PCDHGA6: variants seen among roughly 807,000 people sequenced by gnomAD.
PCDHGA6 encodes protocadherin gamma subfamily A, 6.
A neutral mutation model predicts 60.6 loss-of-function variants in PCDHGA6; 41 were observed. The observed-to-expected ratio is 0.68, with a 90% CI of 0.53 to 0.88. PCDHGA6 has a LOEUF of 0.88. PCDHGA6 is among the 40% of genes least tolerant of loss of function. The pLI is 0.00. For synonymous variants in PCDHGA6, 594 were observed against 524.4 expected (o/e 1.13, Z -1.81); for missense variants, 1,312 against 1,203.0 (o/e 1.09, Z -1.34).
chr5:141,474,961 A>G (rs1395755491), intron 1 of PCDHGA6, among the ~76,000 whole-genome samples: 1 of 152,254 alleles, frequency 6.6e-6, no homozygotes, highest in South Asian at 2.1e-4. Flanking sequence ...TCACTATCCT[A>G]ATCATTATAA....
At chr5:141,506,669 A>C (rs1293213848) in intron 3 of PCDHGA6, among the ~76,000 whole-genome samples, 1 of 152,198 alleles carries the variant, frequency 6.6e-6, no homozygotes, top group African/African-American at 2.4e-5. Flanking sequence ...GTAAGGGCAC[A>C]ATATATTATT....
intron 1 of PCDHGA6, among the ~76,000 whole-genome samples, chr5:141,492,394 G>C (rs2099740158): frequency 6.6e-6 from 1 of 152,220 alleles, no homozygotes; most frequent in African/African-American, 2.4e-5. Context: ...CGGTCCACTC[G>C]CAGCTCCCCT....
rs772264177 is a variant in PCDHGA6 at position 141,376,458 on chromosome 5, T to C, written c.2375T>C (p.Leu792Pro). The change falls in exon 1 of 4, where the codon CTG becomes CCG. Residue 792 changes from leucine to proline, a missense_variant. Leu to Pro is a moderately conservative substitution (Grantham distance 98). Coordinates refer to ENST00000517434, the MANE Select transcript of PCDHGA6 (RefSeq NM_018919.3). ...QESYEKSEPL[L>P]ITQDLLETKG... Reference sequence around the variant, plus strand: ...AGCTATGAGAAAAGCGAGCCTCTTCTGATAACTCAGGATTTACTTGAAACG... The same window carrying C: ...AGCTATGAGAAAAGCGAGCCTCTTCCGATAACTCAGGATTTACTTGAAACG... 14 of 1,614,106 alleles carry C rather than the reference T, an allele frequency of 8.7e-6. No individual in the cohort carries two copies. In the African/African-American group the frequency reaches 1.5e-4, roughly 17 times the overall value.
intron 1 of PCDHGA6, chr5:141,416,744 A>G (rs1480936949): frequency 2.0e-5 from 3 of 152,210 alleles, no homozygotes; most frequent in Non-Finnish European, 4.4e-5. Context: ...GAAAATAGTG[A>G]CGTATTAGGT....
At chr5:141,483,972 A>G in intron 1 of PCDHGA6, among the ~76,000 whole-genome samples, 1 of 83,960 alleles carries the variant, frequency 1.2e-5, no homozygotes, top group Admixed American at 1.8e-4. Context: ...TGCTTGTGCA[A>G]GGGAGTAGCT....
At chr5:141,389,445 G>A (rs749321526) in intron 1 of PCDHGA6, 7 of 1,610,526 alleles carry the variant, frequency 4.3e-6, no homozygotes, top group Non-Finnish European at 5.1e-6. Context: ...CTTCGACCAC[G>A]AGCAGCTGCG....
chr5:141,488,540 A>C (rs901890616), intron 1 of PCDHGA6, among the ~76,000 whole-genome samples: 6 of 152,146 alleles, frequency 3.9e-5, no homozygotes, highest in Admixed American at 2.0e-4. Context: ...GCTAAGTCCC[A>C]TGTCAGCTGA....
Position 141,487,494 on chromosome 5 carries a change from C to A in PCDHGA6, c.2425-7313C>A, listed in dbSNP as rs116370895. On this transcript the variant is annotated intron_variant, in intron 1 of 3. Transcript: ENST00000517434. The surrounding 1 kb of genome is among the most constrained non-coding windows in gnomAD (Gnocchi z 5.0). The stretch of plus-strand genomic sequence containing the variant: ...GGAGGCCACTCTCATGGCTGTACAC[C>A]CTTGGCTTCTGCACCCACTCGGAGT... 1,421 of 1,614,120 alleles carry A rather than the reference C, an allele frequency of 8.8e-4. 3 individuals are homozygous for A. Among genetic ancestry groups the A allele is most frequent in the Non-Finnish European group, 1.2e-3 (1,358 of 1,180,034 alleles).
In PCDHGA6 at chr5:141,398,847, G is replaced by A. The variant is rs773663002; in HGVS notation, c.2424+22340G>A. On this transcript the variant is annotated intron_variant, in intron 1 of 3. Coordinates refer to ENST00000517434, the MANE Select transcript of PCDHGA6 (RefSeq NM_018919.3). Reference sequence around the variant, plus strand: ...TAACCGACGCCAATGATAATCCCCCGGTATTCAACCGAGACGTGTACAGAG... The same window carrying A: ...TAACCGACGCCAATGATAATCCCCCAGTATTCAACCGAGACGTGTACAGAG... The A allele has an allele frequency of 2.5e-6, 4 of 1,613,758 alleles. No homozygotes were observed. In the African/African-American group the frequency reaches 5.3e-5, roughly 22 times the overall value.
chr5:141,430,996 G>T, intron 1 of PCDHGA6: 1 of 1,614,024 alleles, frequency 6.2e-7, no homozygotes, highest in Middle Eastern at 1.6e-4. Flanking sequence ...CCCTGAATCC[G>T]CGCAGCGGCA....
intron 1 of PCDHGA6, among the ~76,000 whole-genome samples, chr5:141,387,456 T>C (rs1444030980): frequency 6.6e-6 from 1 of 152,246 alleles, no homozygotes; most frequent in Non-Finnish European, 1.5e-5. Context: ...ATGATTTGCC[T>C]AAAAATCCTC....
intron 1 of PCDHGA6, chr5:141,475,937 C>G (rs970582600): frequency 2.8e-5 from 19 of 676,764 alleles, no homozygotes; most frequent in African/African-American, 1.8e-4. Context: ...GGCCCCTGCC[C>G]GTCCCCTTTC....
intron 1 of PCDHGA6, among the ~76,000 whole-genome samples, chr5:141,434,616 T>C (rs911085192): frequency 1.3e-5 from 2 of 152,204 alleles, no homozygotes; most frequent in East Asian, 1.9e-4. Context: ...TCCGCCCATC[T>C]CTTCGTTTCC....
intron 1 of PCDHGA6, among the ~76,000 whole-genome samples, chr5:141,448,434 G>A (rs2098588755): frequency 1.3e-5 from 2 of 152,052 alleles, no homozygotes; most frequent in Non-Finnish European, 2.9e-5. Context: ...TATATATTGA[G>A]AAGTCTGACT....
chr5:141,442,149 T>C, intron 1 of PCDHGA6: 1 of 159,274 alleles, frequency 6.3e-6, no homozygotes, highest in Non-Finnish European at 1.4e-5. Flanking sequence ...CTGCCAGACC[T>C]CAGCGATCAC....
intron 1 of PCDHGA6, among the ~76,000 whole-genome samples, chr5:141,396,910 A>G (rs1335319555): frequency 1.3e-5 from 2 of 152,208 alleles, no homozygotes; most frequent in Non-Finnish European, 2.9e-5. Flanking sequence ...GCACTTTGCA[A>G]TTTTAAAAAC....
chr5:141,403,248 G>A lies in PCDHGA6; in HGVS notation c.2424+26741G>A, dbSNP rs778873368. 3.1e-6 allele frequency: 5 copies of A among 1,613,928 alleles called. No homozygotes were observed. The Admixed American group carries it at 6.7e-5, about 22-fold the overall frequency. On this transcript the variant is annotated intron_variant, in intron 1 of 3. Transcript: ENST00000517434. ...GACCGGGAGGAGCTCTGTGCTCAGA[G>A]CCCGCGGTGTCTGGTGAACTTTAAA...
At chr5:141,430,084 A>G (rs538721051) in intron 1 of PCDHGA6, among the ~76,000 whole-genome samples, 2 of 152,292 alleles carry the variant, frequency 1.3e-5, no homozygotes, top group Admixed American at 1.3e-4. Context: ...AATATCATGA[A>G]AATTTGATTT....
Position 141,476,290 on chromosome 5 carries a change from C to G in PCDHGA6, c.2425-18517C>G, listed in dbSNP as rs768208156. The stretch of plus-strand genomic sequence containing the variant: ...TGGTCGCGAACCTTGGTTTGGATCT[C>G]GGTAGCCTCTCAGCCCGCAGGTTCC... On this transcript the variant is annotated intron_variant, in intron 1 of 3. Coordinates refer to ENST00000517434, the MANE Select transcript of PCDHGA6 (RefSeq NM_018919.3). The surrounding 1 kb of genome is among the most constrained non-coding windows in gnomAD (Gnocchi z 7.6). 1 of 1,614,050 alleles carries G rather than the reference C, an allele frequency of 6.2e-7. No homozygotes were observed. The highest frequency in any genetic ancestry group is 1.7e-5 in the Admixed American group (1 of 60,012).
Sources: allele counts gnomAD v4.1 joint callset (sites outside exome capture counted in the v4.1 genomes callset), GRCh38; gene constraint gnomAD v4.1.1; non-coding constraint Gnocchi (gnomAD v3.1); transcripts MANE v1.5; gene names NCBI Gene and HGNC (gene_info 2026-07-23, HGNC 2026-07-21).